UBAP2L: variants seen among roughly 807,000 people sequenced by gnomAD.
The protein encoded by UBAP2L is ubiquitin associated protein 2 like.
Under a neutral mutation model 130.6 loss-of-function variants are expected in UBAP2L, and 12 were observed. The observed-to-expected ratio is 0.09, with a 90% CI of 0.06 to 0.15. The LOEUF (loss-of-function observed/expected upper bound fraction) is 0.15. Among genes scored for constraint, UBAP2L ranks in the 10% least tolerant of loss-of-function variants. UBAP2L has a pLI of 1.00. For missense variants in UBAP2L, 965 were observed against 1,332.5 expected, an observed-to-expected ratio of 0.72 and a Z score of 4.29; for synonymous variants, 503 against 524.7, an observed-to-expected ratio of 0.96 and a Z score of 0.57.
At chr1:154,223,658 T>C (rs1488585937) in intron 1 of UBAP2L, among the ~76,000 whole-genome samples, 1 of 152,040 alleles carries the variant, frequency 6.6e-6, no homozygotes, top group African/African-American at 2.4e-5. Context: ...GAAGAGGTAA[T>C]GGGTTAAAAA....
chr1:154,271,011 A>G, downstream of UBAP2L: 2 of 1,442,128 alleles, frequency 1.4e-6, no homozygotes, highest in Non-Finnish European at 1.9e-6. Context: ...CCTGACCTTA[A>G]TGTGGTAGTA....
At chr1:154,241,715 C>T in intron 9 of UBAP2L, 150 bp downstream of exon 9, 1 of 1,445,046 alleles carries the variant, frequency 6.9e-7, no homozygotes, top group Non-Finnish European at 9.1e-7. Context: ...TGAGCCAGAA[C>T]ATTTCACATA....
chr1:154,265,275 T>A (rs1682912940), intron 24 of UBAP2L, among the ~76,000 whole-genome samples: 1 of 152,182 alleles, frequency 6.6e-6, no homozygotes, highest in South Asian at 2.1e-4. Flanking sequence ...GTTTGAATTG[T>A]GGGTGAATGG....
intron 8 of UBAP2L, among the ~76,000 whole-genome samples, chr1:154,240,214 T>C (rs1228669859): frequency 6.6e-6 from 1 of 152,214 alleles, no homozygotes; most frequent in Admixed American, 6.5e-5. Context: ...TTGTCCCTTC[T>C]TCAGACAGGT....
At chr1:154,228,223 T>C (rs992010472) in intron 3 of UBAP2L, among the ~76,000 whole-genome samples, 1 of 152,032 alleles carries the variant, frequency 6.6e-6, no homozygotes, top group Admixed American at 6.6e-5. Flanking sequence ...AGTCTTGCTC[T>C]GTGGTCCAGG....
Position 154,270,561 on chromosome 1 carries a change from A to G in UBAP2L, c.*266A>G, listed in dbSNP as rs1418828469. 2.1e-6 allele frequency: 3 copies of G among 1,427,086 alleles called. No individual in the cohort carries two copies. The highest frequency in any genetic ancestry group is 2.7e-6 in the Non-Finnish European group (3 of 1,094,586). The allele number at this position is 1,427,086 out of a possible 1,614,324, so 88.4% of individuals were successfully genotyped here. On this transcript the variant is annotated 3_prime_UTR_variant, in exon 27 of 27. Coordinates refer to ENST00000428931, the MANE Select transcript of UBAP2L (RefSeq NM_014847.4). ...GCATTCAAGATTATGAAACTTTGCT[A>G]TGGGCCCTGCACTTCCTTTGCTTCC...
At chr1:154,264,686 T>G (rs956615096) in intron 24 of UBAP2L, among the ~76,000 whole-genome samples, 7 of 152,194 alleles carry the variant, frequency 4.6e-5, no homozygotes, top group African/African-American at 1.7e-4. Flanking sequence ...AGTTAGTCAT[T>G]TCTTCCATCC....
chr1:154,232,322 C>CT (rs1670110870), intron 4 of UBAP2L, among the ~76,000 whole-genome samples: 1 of 144,206 alleles, frequency 6.9e-6, no homozygotes, highest in African/African-American at 2.6e-5. Context: ...GACTAAGTTT[C>CT]CAAAAAAAAA....
In UBAP2L at chr1:154,255,145, T is replaced by C. The variant is rs778503198; in HGVS notation, c.1910-7T>C. On this transcript the variant is annotated splice_region_variant and splice_polypyrimidine_tract_variant and intron_variant, in intron 16 of 26. Transcript: ENST00000428931. The stretch of plus-strand genomic sequence containing the variant: ...ATGAGAGGAATTCCTTTCTTCTAAA[T>C]TTCTAGGTGCTACAGGCTCTGCAGT... The C allele has an allele frequency of 1.2e-6, 2 of 1,613,740 alleles. No homozygotes were observed. Among genetic ancestry groups the C allele is most frequent in the South Asian group, 2.2e-5 (2 of 91,064 alleles).
At chr1:154,262,766 A>T (rs899680289) in intron 24 of UBAP2L, among the ~76,000 whole-genome samples, 2 of 152,020 alleles carry the variant, frequency 1.3e-5, no homozygotes, top group Non-Finnish European at 2.9e-5. Context: ...CCCCATTGAG[A>T]TTTAATACAT....
intron 22 of UBAP2L, 68 bp from the exon 23 acceptor site, chr1:154,260,824 C>A: frequency 6.9e-7 from 1 of 1,455,182 alleles, no homozygotes; most frequent in Non-Finnish European, 9.6e-7. Flanking sequence ...CATGTGAAAT[C>A]AGAAGAGGTA....
At chr1:154,258,337 C>G (rs1680362934) in intron 20 of UBAP2L, among the ~76,000 whole-genome samples, 1 of 152,138 alleles carries the variant, frequency 6.6e-6, no homozygotes, top group Non-Finnish European at 1.5e-5. Context: ...CTGGTCTGGC[C>G]TGGTTAGAGG....
At chr1:154,231,229 A>G (rs927529265) in intron 4 of UBAP2L, among the ~76,000 whole-genome samples, 7 of 149,522 alleles carry the variant, frequency 4.7e-5, no homozygotes, top group East Asian at 1.9e-4. Context: ...GGTTCAAGCA[A>G]TCCTCCCACC....
intron 4 of UBAP2L, among the ~76,000 whole-genome samples, chr1:154,231,810 C>G (rs769858732): frequency 3.3e-5 from 5 of 152,124 alleles, no homozygotes; most frequent in Admixed American, 6.5e-5. Context: ...TCAGTGGACA[C>G]TTGGAATTAT....
intron 8 of UBAP2L, among the ~76,000 whole-genome samples, chr1:154,237,392 C>A (rs962821572): frequency 6.6e-6 from 1 of 152,148 alleles, no homozygotes; most frequent in African/African-American, 2.4e-5. Context: ...GATGACAAAA[C>A]TAAGGCCGAA....
Position 154,255,176 on chromosome 1 carries a change from C to A in UBAP2L, c.1934C>A (p.Ser645Tyr). 3 of 1,614,032 alleles carry A rather than the reference C, an allele frequency of 1.9e-6. No homozygotes were observed. Among genetic ancestry groups the A allele is most frequent in the Non-Finnish European group, 2.5e-6 (3 of 1,179,952 alleles). ...GGTGCTACAGGCTCTGCAGTGAAAT[C>A]TGATTCACCTTCCACTTCTAGCATC... ...VEGATGSAVKSDSPSTSSIPP... is the reference protein window; with the variant it reads ...VEGATGSAVKYDSPSTSSIPP... The change falls in exon 17 of 27, where the codon TCT (serine) becomes TAT (tyrosine). Residue 645 changes from serine to tyrosine, a missense_variant. This residue lies in a region of UBAP2L where 393 missense variants were observed against 408.1 expected (regional missense o/e 0.96). Transcript: ENST00000428931.
At chr1:154,258,241 GGT>G (rs1023013634) in intron 20 of UBAP2L, among the ~76,000 whole-genome samples, 1 of 152,092 alleles carries the variant, frequency 6.6e-6, no homozygotes, top group African/African-American at 2.4e-5. Flanking sequence ...AAATAACTGG[GGT>G]TATATATAGG....
At chr1:154,230,261 C>T (rs1176615592) in intron 4 of UBAP2L, among the ~76,000 whole-genome samples, 1 of 152,200 alleles carries the variant, frequency 6.6e-6, no homozygotes, top group Non-Finnish European at 1.5e-5. Context: ...CCTGCCTCGG[C>T]CTTCCAAAAT....
chr1:154,252,619 G>T (rs1353283657), intron 14 of UBAP2L, among the ~76,000 whole-genome samples: 1 of 151,790 alleles, frequency 6.6e-6, no homozygotes, highest in African/African-American at 2.4e-5. Flanking sequence ...AAGTGCAATG[G>T]TGCAATCTCC....
Sources: gnomAD v4.1 joint callset for allele counts (sites outside exome capture counted in the v4.1 genomes callset) on GRCh38, gnomAD v4.1.1 for gene constraint, gnomAD v4.1.1 regional missense constraint, MANE v1.5 for transcripts, NCBI Gene and HGNC (gene_info 2026-07-23, HGNC 2026-07-21) for gene names.